The following FMNL2 variants were observed in gnomAD, a reference collection of about 807,000 sequenced individuals.
FMNL2 encodes formin-like protein 2.
Under a neutral mutation model 130.2 loss-of-function variants are expected in FMNL2, and 51 were observed. The observed-to-expected ratio is 0.39, with a 90% CI of 0.31 to 0.49. The LOEUF (loss-of-function observed/expected upper bound fraction) is 0.49, where lower values mean the gene tolerates loss of function less well. Among genes scored for constraint, FMNL2 ranks in the 20% least tolerant of loss-of-function variants. FMNL2 has a pLI of 0.85. For missense variants in FMNL2, 977 were observed against 1,316.2 expected (o/e 0.74, Z 3.99); for synonymous variants, 465 against 467.1 (o/e 1.00, Z 0.06).
chr2:152,629,615 A>G, intron 18 of FMNL2, 41 bp from the exon 19 acceptor site: 1 of 1,538,826 alleles, frequency 6.5e-7, no homozygotes, highest in Non-Finnish European at 8.8e-7. Flanking sequence ...CATTTTTAAC[A>G]TGTCTTTTTT....
intron 1 of FMNL2, among the ~76,000 whole-genome samples, chr2:152,497,975 G>C (rs1199531972): frequency 6.6e-6 from 1 of 152,060 alleles, no homozygotes; most frequent in Non-Finnish European, 1.5e-5. Flanking sequence ...ACCTCTCCCT[G>C]GTTTGTCTCT....
At chr2:152,533,046 A>G (rs755070379) in intron 2 of FMNL2, among the ~76,000 whole-genome samples, 11 of 152,224 alleles carry the variant, frequency 7.2e-5, no homozygotes, top group Non-Finnish European at 1.5e-4. Context: ...TTTAGTATTT[A>G]TAATAGTATT....
intron 2 of FMNL2, among the ~76,000 whole-genome samples, chr2:152,537,669 T>G (rs1694068943): frequency 6.6e-6 from 1 of 152,214 alleles, no homozygotes; most frequent in Admixed American, 6.5e-5. Flanking sequence ...GTTTAATTCT[T>G]TGAACATTGT....
Position 152,636,604 on chromosome 2 carries a change from C to T in FMNL2, c.2844+14C>T, listed in dbSNP as rs188180848. On this transcript the variant is annotated intron_variant, in intron 22 of 25. Coordinates refer to ENST00000288670, the MANE Select transcript of FMNL2 (RefSeq NM_052905.4). ...AAGATCGCACAGGCAAGTATTGGTG[C>T]CCCTGAAACCTGTGAAGAGGCTGCA... 160 of 1,552,284 alleles carry T rather than the reference C, an allele frequency of 1.0e-4. No homozygotes were observed. The highest frequency in any genetic ancestry group is 1.3e-4 in the Non-Finnish European group (147 of 1,147,716).
At chr2:152,417,516 G>A (rs16831081) in intron 1 of FMNL2, among the ~76,000 whole-genome samples, 47,480 of 152,040 alleles carry the variant, frequency 0.31, 7,826 homozygotes, top group Middle Eastern at 0.45. Context: ...TGCAAGGTTG[G>A]ATTTGCTTAC....
rs563133717 is a variant in FMNL2, at chr2:152,619,887, G to A, written c.1837+169G>A. Among the ~76,000 whole-genome samples the A allele has an allele frequency of 3.4e-4, 51 of 151,954 alleles. 1 individual carries two copies. In the South Asian group the frequency reaches 0.01, roughly 30 times the overall value. On this transcript the variant is annotated intron_variant, in intron 15 of 25. Transcript: ENST00000288670. ...GATAGAGGGAACATCATCACGCATG[G>A]GAGGCACTTTGCTCTGAGTAGTCTT...
intron 25 of FMNL2, among the ~76,000 whole-genome samples, chr2:152,644,231 A>C (rs1559036868): frequency 6.6e-6 from 1 of 152,214 alleles, no homozygotes; most frequent in African/African-American, 2.4e-5. Flanking sequence ...AAAAAAACAA[A>C]AACAAAAAAC....
At chr2:152,446,202 C>G (rs1360241980) in intron 1 of FMNL2, among the ~76,000 whole-genome samples, 2 of 152,164 alleles carry the variant, frequency 1.3e-5, no homozygotes, top group Admixed American at 6.6e-5. Context: ...GGGACTGTCC[C>G]TAAAATCATT....
intron 1 of FMNL2, among the ~76,000 whole-genome samples, chr2:152,342,471 G>C (rs6756332): frequency 0.65 from 99,005 of 152,052 alleles, 33,125 homozygotes; most frequent in Non-Finnish European, 0.71. Flanking sequence ...GAGTGCCACT[G>C]CCATCCCTGC....
chr2:152,420,999 C>T (rs145019554), intron 1 of FMNL2, among the ~76,000 whole-genome samples: 2 of 152,254 alleles, frequency 1.3e-5, no homozygotes, highest in East Asian at 1.9e-4. Context: ...TGTAGGGTAC[C>T]GTCCAACGCA....
intron 1 of FMNL2, among the ~76,000 whole-genome samples, chr2:152,420,922 C>T (rs185847713): frequency 6.0e-4 from 91 of 152,306 alleles, no homozygotes; most frequent in African/African-American, 2.0e-3. Flanking sequence ...AACTGGGTTT[C>T]GGACTCAGAT....
chr2:152,432,365 T>A (rs1307963932), intron 1 of FMNL2, among the ~76,000 whole-genome samples: 1 of 152,170 alleles, frequency 6.6e-6, no homozygotes, highest in Admixed American at 6.5e-5. Context: ...AGCGGAAGCA[T>A]TGTGAAAGAA....
intron 3 of FMNL2, among the ~76,000 whole-genome samples, chr2:152,547,393 T>A (rs1256357683): frequency 1.3e-5 from 2 of 152,220 alleles, no homozygotes; most frequent in Admixed American, 1.3e-4. Flanking sequence ...GCCTCTCTTT[T>A]TTCCATCACA....
intron 1 of FMNL2, among the ~76,000 whole-genome samples, chr2:152,377,437 A>T (rs1166768387): frequency 2.0e-5 from 3 of 152,196 alleles, no homozygotes; most frequent in African/African-American, 7.2e-5. Flanking sequence ...TAATGCATTT[A>T]TTTTTTATCT....
chr2:152,414,705 C>T (rs546601942), intron 1 of FMNL2, among the ~76,000 whole-genome samples: 210 of 152,240 alleles, frequency 1.4e-3, no homozygotes, highest in South Asian at 4.6e-3. Context: ...CTGGAGAGTT[C>T]GAGGCCATTT....
intron 1 of FMNL2, chr2:152,390,764 C>G: frequency 1.7e-6 from 1 of 592,872 alleles, no homozygotes; most frequent in Non-Finnish European, 3.0e-6. Context: ...ACACACGGAT[C>G]CCAGGGCATC....
intron 1 of FMNL2, among the ~76,000 whole-genome samples, chr2:152,344,808 C>T (rs1198129361): frequency 6.6e-6 from 1 of 152,126 alleles, no homozygotes; most frequent in Non-Finnish European, 1.5e-5. Context: ...AGCTTGGCTT[C>T]CTGTAGTGAA....
chr2:152,631,672 A>T (rs1338173738), intron 20 of FMNL2, among the ~76,000 whole-genome samples: 6 of 152,182 alleles, frequency 3.9e-5, no homozygotes, highest in Non-Finnish European at 1.5e-5. Context: ...GTATTTTTGG[A>T]TACCTGAAAC....
At chr2:152,360,834 A>G (rs541959562) in intron 1 of FMNL2, among the ~76,000 whole-genome samples, 54 of 152,338 alleles carry the variant, frequency 3.5e-4, no homozygotes, top group Admixed American at 5.9e-4. Flanking sequence ...TTTATTTGTA[A>G]TACAATATTG....
Sources: gnomAD v4.1 joint callset for allele counts (sites outside exome capture counted in the v4.1 genomes callset) on GRCh38, gnomAD v4.1.1 for gene constraint, MANE v1.5 for transcripts, NCBI Gene and HGNC (gene_info 2026-07-23, HGNC 2026-07-21) for gene names.